The following SPRED1 variants were observed in gnomAD, a reference collection of about 807,000 sequenced individuals.
SPRED1 encodes sprouty-related, EVH1 domain-containing protein 1.
SPRED1 carries 18 observed loss-of-function variants against 52.3 expected under a neutral mutation model. The observed-to-expected ratio is 0.34, with a 90% CI of 0.24 to 0.51. SPRED1 has a LOEUF of 0.51. Ranked by LOEUF, SPRED1 falls within the 20% of genes least tolerant of loss-of-function variation. The pLI is 0.97. For missense variants in SPRED1, 485 were observed against 551.0 expected, an observed-to-expected ratio of 0.88 and a Z score of 1.20; for synonymous variants, 155 against 179.7, an observed-to-expected ratio of 0.86 and a Z score of 1.10.
chr15:38,322,241 G>A lies in SPRED1; in HGVS notation c.208G>A (p.Val70Met), dbSNP rs1355195353. ...IRGERLRDKM[V>M]VLECMLKKDL... Reference sequence around the variant, plus strand: ...ATTTTTGGTATTTGGCTTTTGTCAGGTGGTTTTGGAATGTATGCTTAAAAA... The same window carrying A: ...ATTTTTGGTATTTGGCTTTTGTCAGATGGTTTTGGAATGTATGCTTAAAAA... The change falls in exon 3 of 7, where the codon GTG (valine) becomes ATG (methionine). Residue 70 changes from valine (V) to methionine (M), a missense_variant and splice_region_variant. Val to Met is a conservative substitution (Grantham distance 21). Transcript: ENST00000299084. The A allele has an allele frequency of 6.2e-7, 1 of 1,613,608 alleles. No individual in the cohort carries two copies. Among genetic ancestry groups the A allele is most frequent in the Non-Finnish European group, 8.5e-7 (1 of 1,179,784 alleles).
chr15:38,355,939 G>A lies in SPRED1; in HGVS notation c.*4275G>A, dbSNP rs1406148761. 1 of 152,108 alleles carries A rather than the reference G, an allele frequency of 6.6e-6. No homozygotes were observed. Among genetic ancestry groups the A allele is most frequent in the Non-Finnish European group, 1.5e-5 (1 of 68,002 alleles). 9.4% of individuals were successfully genotyped at this position (152,108 alleles called of 1,614,324 possible). ...TATATAAACCAAAAGAAAAAAAAAG[G>A]CTTTAAGGTATTAGGTACTGTTTGC... is the stretch of plus-strand genomic sequence containing the variant. On this transcript the variant is annotated 3_prime_UTR_variant, in exon 7 of 7. Coordinates refer to ENST00000299084, the MANE Select transcript of SPRED1 (RefSeq NM_152594.3).
chr15:38,338,696 G>A (rs372027017), intron 4 of SPRED1, among the ~76,000 whole-genome samples: 6 of 152,186 alleles, frequency 3.9e-5, no homozygotes, highest in South Asian at 2.1e-4. Flanking sequence ...ATAACCCAGT[G>A]TCATAAAATA....
Position 38,355,212 on chromosome 15 carries a change from TC to T in SPRED1, c.*3551del, listed in dbSNP as rs1003816160. 3.0e-4 allele frequency: 46 copies of T among 152,414 alleles called. No homozygotes were observed. Among genetic ancestry groups the T allele is most frequent in the African/African-American group, 1.1e-3 (45 of 41,558 alleles). The allele number at this position is 152,414 out of a possible 1,614,324, so 9.4% of individuals were successfully genotyped here. A position where few individuals can be genotyped will look rare whatever the true frequency, so the allele number is the denominator to read the frequency against. ...CTTAGGTGATCCACCCACCTCGGCC[TC>T]CCAAAGTGCTGGGATTACAGGCATG... is the stretch of plus-strand genomic sequence containing the variant. On this transcript the variant is annotated 3_prime_UTR_variant, in exon 7 of 7. Coordinates refer to ENST00000299084, the MANE Select transcript of SPRED1 (RefSeq NM_152594.3).
At chr15:38,339,919 G>A (rs370397468) in intron 5 of SPRED1, 24 bp downstream of exon 5, 52 of 1,613,096 alleles carry the variant, frequency 3.2e-5, no homozygotes, top group Middle Eastern at 1.6e-4. Flanking sequence ...ATATTTTTTC[G>A]GCGCGTTGTT....
chr15:38,269,881 C>G (rs972253885), intron 1 of SPRED1, among the ~76,000 whole-genome samples: 1 of 149,806 alleles, frequency 6.7e-6, no homozygotes, highest in Non-Finnish European at 1.5e-5. Flanking sequence ...TTGGATGGCA[C>G]AAATCTGGAG....
chr15:38,296,059 T>C lies in SPRED1; in HGVS notation c.33-3314T>C, dbSNP rs1204523424. Among the ~76,000 whole-genome samples the C allele has an allele frequency of 5.3e-5, 8 of 152,166 alleles. No homozygotes were observed. The East Asian group carries it at 1.5e-3, about 29-fold the overall frequency. On this transcript the variant is annotated intron_variant, in intron 1 of 6. Transcript: ENST00000299084. ...TAAGGAGCTTGACTATCAAACACTT[T>C]AAGTGTTTTAAGCCTGGTTTTTCCT...
chr15:38,282,310 A>G (rs1473611423), intron 1 of SPRED1, among the ~76,000 whole-genome samples: 1 of 119,026 alleles, frequency 8.4e-6, no homozygotes, highest in Non-Finnish European at 1.8e-5. Flanking sequence ...CCCCATCTCT[A>G]CTAAAAATAC....
chr15:38,340,400 G>A (rs936928645), intron 5 of SPRED1, among the ~76,000 whole-genome samples: 1 of 151,960 alleles, frequency 6.6e-6, no homozygotes, highest in Non-Finnish European at 1.5e-5. Context: ...GCCGTGTGAT[G>A]TATTCATTAT....
At chr15:38,320,141 T>C (rs188605865) in intron 2 of SPRED1, among the ~76,000 whole-genome samples, 1 of 152,362 alleles carries the variant, frequency 6.6e-6, no homozygotes, top group Admixed American at 6.5e-5. Flanking sequence ...TGTAGAGTTA[T>C]ATATTCTAGC....
intron 5 of SPRED1, 85 bp from the exon 6 acceptor site, chr15:38,349,336 AT>A (rs1342453592): frequency 9.8e-7 from 1 of 1,023,832 alleles, no homozygotes; most frequent in East Asian, 2.6e-5. Flanking sequence ...CTGCTAATAA[AT>A]TATGAGGTTT....
At position 38,344,485 on chromosome 15, in the gene SPRED1, G is replaced by A. The variant is rs963922728; in HGVS notation, c.582+4590G>A. Among the ~76,000 whole-genome samples, 4 of 152,154 alleles carry A rather than the reference G, an allele frequency of 2.6e-5. No individual in the cohort carries two copies. In the South Asian group the frequency reaches 8.3e-4, roughly 32 times the overall value. On this transcript the variant is annotated intron_variant, in intron 5 of 6. Coordinates refer to ENST00000299084, the MANE Select transcript of SPRED1 (RefSeq NM_152594.3). ...GGTTGAAGAATGTAGTCATCAGGTA[G>A]AAAGTACAAAAAGTGCTGAATAACT...
At chr15:38,256,812 C>T (rs1254402774) in intron 1 of SPRED1, among the ~76,000 whole-genome samples, 4 of 142,566 alleles carry the variant, frequency 2.8e-5, no homozygotes, top group African/African-American at 7.7e-5. Flanking sequence ...TATGTATGTA[C>T]ACACACACAC....
At chr15:38,311,564 A>G (rs1895368313) in intron 2 of SPRED1, among the ~76,000 whole-genome samples, 1 of 152,196 alleles carries the variant, frequency 6.6e-6, no homozygotes, top group African/African-American at 2.4e-5. Flanking sequence ...AGATCTCTTC[A>G]GAAGATTTTA....
intron 1 of SPRED1, among the ~76,000 whole-genome samples, chr15:38,276,508 G>T (rs1595720069): frequency 6.6e-6 from 1 of 152,184 alleles, no homozygotes; most frequent in East Asian, 1.9e-4. Context: ...CCACAGTTAA[G>T]CACTTTATGT....
intron 1 of SPRED1, among the ~76,000 whole-genome samples, chr15:38,260,646 G>T (rs556902536): frequency 2.6e-5 from 4 of 152,002 alleles, no homozygotes; most frequent in African/African-American, 7.3e-5. Context: ...ATAAAGAACC[G>T]CATTATTACC....
chr15:38,252,866 A>C lies in SPRED1; in HGVS notation c.-320A>C. ...GCTCCACCCCAGTGGCTGGAGGAGC[A>C]GCTCTCCAGTCAGCCTTTGCAGCCC... is the stretch of plus-strand genomic sequence containing the variant. On this transcript the variant is annotated 5_prime_UTR_variant, in exon 1 of 7. Transcript: ENST00000299084. The C allele has an allele frequency of 2.3e-6, 1 of 443,064 alleles. No homozygotes were observed. The highest frequency in any genetic ancestry group is 4.2e-6 in the Non-Finnish European group (1 of 239,464). The allele number at this position is 443,064 out of a possible 1,614,324, so 27.4% of individuals were successfully genotyped here.
chr15:38,260,501 A>G (rs1894183822), intron 1 of SPRED1, among the ~76,000 whole-genome samples: 4 of 151,098 alleles, frequency 2.6e-5, no homozygotes, highest in Non-Finnish European at 4.4e-5. Flanking sequence ...AATAGAAACT[A>G]CGGATTTTTT....
At chr15:38,330,544 A>AT (rs1457878986) in intron 4 of SPRED1, among the ~76,000 whole-genome samples, 3 of 152,008 alleles carry the variant, frequency 2.0e-5, no homozygotes, top group South Asian at 2.1e-4. Context: ...AATTAGAGTA[A>AT]TTTTTTTCCT....
intron 1 of SPRED1, among the ~76,000 whole-genome samples, chr15:38,299,157 A>C (rs929881400): frequency 8.5e-5 from 13 of 152,188 alleles, no homozygotes; most frequent in African/African-American, 3.1e-4. Flanking sequence ...CTTTTATTAC[A>C]AGAGTAGTCT....
Sources: gnomAD v4.1 joint callset for allele counts (sites outside exome capture counted in the v4.1 genomes callset) on GRCh38, gnomAD v4.1.1 for gene constraint, MANE v1.5 for transcripts, NCBI Gene and HGNC (gene_info 2026-07-23, HGNC 2026-07-21) for gene names.